The following APOL6 variants were observed in gnomAD, a reference collection of about 807,000 sequenced individuals.
The protein encoded by APOL6 is apolipoprotein L, 6.
Under a neutral mutation model 2.4 loss-of-function variants are expected in APOL6, and 1 was observed. The observed-to-expected ratio is 0.41, with a 90% CI of 0.15 to 1.94. The LOEUF (loss-of-function observed/expected upper bound fraction) is 1.94, where lower values mean the gene tolerates loss of function less well. Among genes scored for constraint, APOL6 ranks in the 30% most tolerant of loss-of-function variants. The pLI is 0.30. For synonymous variants in APOL6, 189 were observed against 169.3 expected (o/e 1.12, Z -0.90); for missense variants, 438 against 429.2 (o/e 1.02, Z -0.18).
chr22:35,658,995 A>T lies in APOL6; in HGVS notation c.431A>T (p.Asp144Val), dbSNP rs768596928. ...KNKEAQARAEDILPTYDQEDR... is the reference protein window; with the variant it reads ...KNKEAQARAEVILPTYDQEDR... The stretch of plus-strand genomic sequence containing the variant: ...AAAGAAGCCCAAGCACGGGCGGAAG[A>T]CATACTGCCCACCTACGACCAAGAG... The change falls in exon 3 of 3, where the codon GAC becomes GTC. Residue 144 changes from aspartate (D) to valine (V), a missense_variant. Asp to Val is a radical substitution (Grantham distance 152). Coordinates refer to ENST00000409652, the MANE Select transcript of APOL6 (RefSeq NM_030641.4). The T allele has an allele frequency of 6.2e-7, 1 of 1,613,940 alleles. No homozygotes were observed.
At position 35,665,529 on chromosome 22, in the gene APOL6, C is replaced by T. The variant is rs1925153296; in HGVS notation, c.*5933C>T. The T allele has an allele frequency of 6.6e-6, 1 of 152,158 alleles. No individual in the cohort carries two copies. The highest frequency in any genetic ancestry group is 1.5e-5 in the Non-Finnish European group (1 of 68,026). The allele number at this position is 152,158 out of a possible 1,614,324, so 9.4% of individuals were successfully genotyped here. On this transcript the variant is annotated 3_prime_UTR_variant, in exon 3 of 3. Coordinates refer to ENST00000409652, the MANE Select transcript of APOL6 (RefSeq NM_030641.4). The stretch of plus-strand genomic sequence containing the variant: ...GAACTAATCATTCAAGTCAAAGGCA[C>T]ACTGATGCAAAATCAGTATATGGAC...
intron 1 of APOL6, among the ~76,000 whole-genome samples, chr22:35,653,255 G>A (rs9754408): frequency 9.9e-5 from 15 of 152,140 alleles, no homozygotes; most frequent in Non-Finnish European, 1.2e-4. Context: ...TTTGTATCCC[G>A]AGACTTTGCT....
intron 1 of APOL6, among the ~76,000 whole-genome samples, chr22:35,650,887 G>T (rs1924669683): frequency 6.6e-6 from 1 of 151,604 alleles, no homozygotes; most frequent in African/African-American, 2.4e-5. Flanking sequence ...CCAAGATCAT[G>T]CCATTGTACT....
chr22:35,649,597 G>GC (rs1569132935), intron 1 of APOL6, among the ~76,000 whole-genome samples: 3 of 152,082 alleles, frequency 2.0e-5, no homozygotes, highest in Non-Finnish European at 2.9e-5. Flanking sequence ...TCAAATGAAA[G>GC]TAAGTTCTCA....
Position 35,659,771 on chromosome 22 carries a change from G to C in APOL6, c.*175G>C. 9.1e-7 allele frequency: 1 copy of C among 1,104,620 alleles called. No individual in the cohort carries two copies. The highest frequency in any genetic ancestry group is 2.6e-5 in the East Asian group (1 of 38,826). The allele number at this position is 1,104,620 out of a possible 1,614,324, so 68.4% of individuals were successfully genotyped here. A position where few individuals can be genotyped will look rare whatever the true frequency, so the allele number is the denominator to read the frequency against. ...GTCTTCCCTGTTTGTTTGTTTGTTT[G>C]TTTGTTTGTTTGTTTTGAGACAGGG... is the stretch of plus-strand genomic sequence containing the variant. On this transcript the variant is annotated 3_prime_UTR_variant, in exon 3 of 3. Coordinates refer to ENST00000409652, the MANE Select transcript of APOL6 (RefSeq NM_030641.4).
rs1925178874 is a variant in APOL6, at chr22:35,666,248, T to A, written c.*6652T>A. The A allele has an allele frequency of 6.6e-6, 1 of 152,152 alleles. No homozygotes were observed. The highest frequency in any genetic ancestry group is 2.1e-4 in the South Asian group (1 of 4,832). The allele number at this position is 152,152 out of a possible 1,614,324, so 9.4% of individuals were successfully genotyped here. The stretch of plus-strand genomic sequence containing the variant: ...ACTTTTTTCTTCCATGCACAATTGT[T>A]GTTTTGGTCCTCTTTTTTAAATATA... On this transcript the variant is annotated 3_prime_UTR_variant, in exon 3 of 3. Coordinates refer to ENST00000409652, the MANE Select transcript of APOL6 (RefSeq NM_030641.4).
chr22:35,658,756 A>G lies in APOL6; in HGVS notation c.192A>G (p.Ala64=). ...KGNIDKLRAL[A]DDIDKTHKKF... ...ACATTGACAAGCTCCGTGCCCTCGCAGACGATATTGACAAAACCCACAAGA... is the reference window on the plus strand; with the variant it reads ...ACATTGACAAGCTCCGTGCCCTCGCGGACGATATTGACAAAACCCACAAGA... Residue 64 remains alanine, a synonymous_variant, in exon 3 of 3, where the codon GCA becomes GCG. Transcript: ENST00000409652. 1 of 1,614,190 alleles carries G rather than the reference A, an allele frequency of 6.2e-7. No individual in the cohort carries two copies.
rs1924968227 is a variant in APOL6, at chr22:35,659,691, GCATGCCTTCT to G, written c.*96_*105del. On this transcript the variant is annotated 3_prime_UTR_variant, in exon 3 of 3. Transcript: ENST00000409652. ...GGGTGCCTGTCCTGGACAGACCTCG[GCATGCCTTCT>G]GTTTCTCCTTCAATGCTCCTTAAGG... is the stretch of plus-strand genomic sequence containing the variant. 4 of 1,451,814 alleles carry G rather than the reference GCATGCCTTCT, an allele frequency of 2.8e-6. No homozygotes were observed. The East Asian group carries it at 9.9e-5, about 36-fold the overall frequency. The allele number at this position is 1,451,814 out of a possible 1,614,324, so 89.9% of individuals were successfully genotyped here.
intron 2 of APOL6, among the ~76,000 whole-genome samples, chr22:35,657,541 A>G (rs1924877929): frequency 6.6e-6 from 1 of 152,202 alleles, no homozygotes; most frequent in African/African-American, 2.4e-5. Flanking sequence ...ATCAACTGAC[A>G]GGTGAGAGGA....
In APOL6 at chr22:35,659,116, C is replaced by T. The variant is rs754753929; in HGVS notation, c.552C>T (p.Asn184=). 52 of 1,614,034 alleles carry T rather than the reference C, an allele frequency of 3.2e-5. No individual in the cohort carries two copies. The Middle Eastern group carries it at 4.9e-4, about 15-fold the overall frequency. ...LRNTLKYAKK[N]VRAFWKLRAN... The stretch of plus-strand genomic sequence containing the variant: ...ACACCTTGAAGTATGCCAAGAAAAA[C>T]GTCCGTGCATTTTGGAAACTCAGAG... The change falls in exon 3 of 3, where the codon AAC becomes AAT. Residue 184 remains asparagine, a synonymous_variant. Transcript: ENST00000409652.
intron 2 of APOL6, among the ~76,000 whole-genome samples, chr22:35,657,990 A>G (rs915713208): frequency 6.6e-6 from 1 of 152,146 alleles, no homozygotes; most frequent in African/African-American, 2.4e-5. Context: ...GGGTCAAGTA[A>G]AGCTGACCAA....
rs1030191971 is a variant in APOL6 at position 35,662,271 on chromosome 22, C to A, written c.*2675C>A. ...TCAAAGCACTCAGCATGCCAAAGCA[C>A]CCTATTTTAGGGTATCTTTTTCTGA... is the stretch of plus-strand genomic sequence containing the variant. On this transcript the variant is annotated 3_prime_UTR_variant, in exon 3 of 3. Coordinates refer to ENST00000409652, the MANE Select transcript of APOL6 (RefSeq NM_030641.4). 2.0e-5 allele frequency: 3 copies of A among 152,134 alleles called. No homozygotes were observed. The highest frequency in any genetic ancestry group is 4.4e-5 in the Non-Finnish European group (3 of 68,036). The allele number at this position is 152,134 out of a possible 1,614,324, so 9.4% of individuals were successfully genotyped here.
chr22:35,656,613 G>T, intron 2 of APOL6, 138 bp downstream of exon 2: 1 of 978,796 alleles, frequency 1.0e-6, no homozygotes. Context: ...TCTCCATTAT[G>T]CATATGAAAA....
Position 35,659,198 on chromosome 22 carries a change from T to C in APOL6, c.634T>C (p.Ser212Pro). The change falls in exon 3 of 3, where the codon TCC becomes CCC. Residue 212 changes from serine to proline, a missense_variant. Physicochemically the swap from Ser to Pro is moderately conservative, Grantham distance 74. Coordinates refer to ENST00000409652, the MANE Select transcript of APOL6 (RefSeq NM_030641.4). ...TCTTCTGACCACTGGCCAAGTCTCCTCCCGGAGCCGCGTGCAGGTGCAAAA... is the reference window on the plus strand; with the variant it reads ...TCTTCTGACCACTGGCCAAGTCTCCCCCCGGAGCCGCGTGCAGGTGCAAAA... Reference protein sequence around the residue: ...KRLLTTGQVSSRSRVQVQKAF... With the variant: ...KRLLTTGQVSPRSRVQVQKAF... The C allele has an allele frequency of 2.5e-6, 4 of 1,614,130 alleles. No homozygotes were observed. Among genetic ancestry groups the C allele is most frequent in the Non-Finnish European group, 3.4e-6 (4 of 1,180,012 alleles).
At chr22:35,651,723 G>A (rs986864678) in intron 1 of APOL6, among the ~76,000 whole-genome samples, 3 of 152,144 alleles carry the variant, frequency 2.0e-5, no homozygotes, top group South Asian at 2.1e-4. Context: ...CAAAGGACAC[G>A]AACTCATCCT....
Position 35,659,106 on chromosome 22 carries a change from C to A in APOL6, c.542C>A (p.Ala181Asp), listed in dbSNP as rs780093200. The A allele has an allele frequency of 6.2e-7, 1 of 1,613,992 alleles. No homozygotes were observed. The highest frequency in any genetic ancestry group is 1.3e-5 in the African/African-American group (1 of 74,924). The change falls in exon 3 of 3, where the codon GCC (alanine) becomes GAC (aspartate). Residue 181 changes from alanine to aspartate, a missense_variant. Physicochemically the swap from Ala to Asp is moderately radical, Grantham distance 126. Coordinates refer to ENST00000409652, the MANE Select transcript of APOL6 (RefSeq NM_030641.4). ...AATCTTAGAAACACCTTGAAGTATGCCAAGAAAAACGTCCGTGCATTTTGG... is the reference window on the plus strand; with the variant it reads ...AATCTTAGAAACACCTTGAAGTATGACAAGAAAAACGTCCGTGCATTTTGG... Reference protein sequence around the residue: ...IYNLRNTLKYAKKNVRAFWKL... With the variant: ...IYNLRNTLKYDKKNVRAFWKL...
chr22:35,649,884 G>A lies in APOL6; in HGVS notation c.-48+1261G>A, dbSNP rs1051819883. Among the ~76,000 whole-genome samples, 8 of 152,192 alleles carry A rather than the reference G, an allele frequency of 5.3e-5. No homozygotes were observed. In the East Asian group the frequency reaches 1.2e-3, roughly 22 times the overall value. On this transcript the variant is annotated intron_variant, in intron 1 of 2. Coordinates refer to ENST00000409652, the MANE Select transcript of APOL6 (RefSeq NM_030641.4). ...CCTCTGCATCGTAGGGTGCTTGGCAGCATCCCTGGCCTCTGCCCTCTACAT... is the reference window on the plus strand; with the variant it reads ...CCTCTGCATCGTAGGGTGCTTGGCAACATCCCTGGCCTCTGCCCTCTACAT...
In APOL6 at chr22:35,656,501, G is replaced by C. The variant is rs765995194; in HGVS notation, c.50+26G>C. ...GTAATCCAAAGGGTGTAGTCCCCAG[G>C]GAGAGGGCTGATTCTGTTGAAATGC... is the stretch of plus-strand genomic sequence containing the variant. On this transcript the variant is annotated intron_variant, in intron 2 of 2. Coordinates refer to ENST00000409652, the MANE Select transcript of APOL6 (RefSeq NM_030641.4). 5.5e-5 allele frequency: 89 copies of C among 1,613,598 alleles called. No homozygotes were observed. The South Asian group carries it at 9.7e-4, about 18-fold the overall frequency.
At position 35,656,443 on chromosome 22, in the gene APOL6, G is replaced by A; in HGVS notation, c.18G>A (p.Glu6=). 1 of 1,614,152 alleles carries A rather than the reference G, an allele frequency of 6.2e-7. No homozygotes were observed. The highest frequency in any genetic ancestry group is 8.5e-7 in the Non-Finnish European group (1 of 1,180,006). The part of the protein sequence containing the change: MDNQA[E]RESEAGVGLQ... ...AGAGGCTGATGGACAACCAGGCGGA[G>A]AGAGAAAGTGAGGCTGGTGTTGGTT... The change falls in exon 2 of 3, where the codon GAG becomes GAA. Residue 6 remains glutamate (E), a synonymous_variant. Coordinates refer to ENST00000409652, the MANE Select transcript of APOL6 (RefSeq NM_030641.4).
Sources: allele counts gnomAD v4.1 joint callset (sites outside exome capture counted in the v4.1 genomes callset), GRCh38; gene constraint gnomAD v4.1.1; transcripts MANE v1.5; gene names NCBI Gene and HGNC (gene_info 2026-07-23, HGNC 2026-07-21).